The following CACHD1 variants were observed in gnomAD, a reference collection of about 807,000 sequenced individuals.
The protein encoded by CACHD1 is VWFA and cache domain-containing protein 1.
CACHD1 carries 71 observed loss-of-function variants against 138.7 expected under a neutral mutation model. That is an observed-to-expected ratio of 0.51 (90% confidence interval 0.42 to 0.62). The LOEUF is 0.62. Ranked by LOEUF, CACHD1 falls within the 20% of genes least tolerant of loss-of-function variation. The pLI is 0.00. For synonymous variants in CACHD1, 578 were observed against 591.5 expected, an observed-to-expected ratio of 0.98 and a Z score of 0.33; for missense variants, 1,389 against 1,625.3, an observed-to-expected ratio of 0.85 and a Z score of 2.50.
chr1:64,653,464 G>A (rs1649166193), intron 10 of CACHD1, among the ~76,000 whole-genome samples: 1 of 149,758 alleles, frequency 6.7e-6, no homozygotes, highest in East Asian at 2.0e-4. Flanking sequence ...TAGATTTATT[G>A]GCATTAAGAT....
intron 16 of CACHD1, among the ~76,000 whole-genome samples, chr1:64,667,754 G>A (rs1421604360): frequency 6.6e-6 from 1 of 152,260 alleles, no homozygotes; most frequent in East Asian, 1.9e-4. Flanking sequence ...TATAGTGCAG[G>A]GAATCAAAAC....
intron 6 of CACHD1, 26 bp from the exon 7 acceptor site, chr1:64,634,018 G>GTTT (rs764180229): frequency 5.6e-4 from 677 of 1,204,006 alleles, no homozygotes; most frequent in South Asian, 2.1e-3. Flanking sequence ...AAGTTTGGTG[G>GTTT]TTTTTTTTTT....
intron 1 of CACHD1, among the ~76,000 whole-genome samples, chr1:64,544,054 C>A (rs1466485001): frequency 6.6e-6 from 1 of 151,928 alleles, no homozygotes; most frequent in Non-Finnish European, 1.5e-5. Flanking sequence ...TGGTCAGCCT[C>A]TTGCGATAAC....
chr1:64,490,563 T>C (rs896608926), intron 1 of CACHD1, among the ~76,000 whole-genome samples: 1 of 152,212 alleles, frequency 6.6e-6, no homozygotes, highest in Non-Finnish European at 1.5e-5. Context: ...TCAGAAGATG[T>C]GTGTACCCTT....
Position 64,522,495 on chromosome 1 carries a change from A to G in CACHD1, c.199-28099A>G, listed in dbSNP as rs575800538. ...GCTAAATTTTGTATTTTTAGTAGAG[A>G]TGGGATTTTACCATGTTAGCCAGGC... On this transcript the variant is annotated intron_variant, in intron 1 of 26. Coordinates refer to ENST00000651257, the MANE Select transcript of CACHD1 (RefSeq NM_020925.4). Among the ~76,000 whole-genome samples, 59 of 152,092 alleles carry G rather than the reference A, an allele frequency of 3.9e-4. No individual in the cohort carries two copies. The South Asian group carries it at 0.012, about 31-fold the overall frequency.
chr1:64,516,215 C>A (rs539788295), intron 1 of CACHD1, among the ~76,000 whole-genome samples: 2 of 152,258 alleles, frequency 1.3e-5, no homozygotes, highest in Non-Finnish European at 2.9e-5. Context: ...TTAACATTTT[C>A]TTTTTTCTCC....
At position 64,691,470 on chromosome 1, in the gene CACHD1, T is replaced by C; in HGVS notation, c.3734T>C (p.Phe1245Ser). ...PQTAALLSHK[F>S]HHYRSHHPTL... The stretch of plus-strand genomic sequence containing the variant: ...ACTGCTGCCCTACTAAGTCACAAGT[T>C]CCACCACTACCGGTCACACCACCCT... Residue 1245 changes from phenylalanine (F) to serine (S), a missense_variant, in exon 27 of 27, where the codon TTC becomes TCC. Physicochemically the swap from Phe to Ser is radical, Grantham distance 155. Transcript: ENST00000651257. 1 of 1,614,062 alleles carries C rather than the reference T, an allele frequency of 6.2e-7. No individual in the cohort carries two copies. The highest frequency in any genetic ancestry group is 8.5e-7 in the Non-Finnish European group (1 of 1,180,000).
intron 1 of CACHD1, among the ~76,000 whole-genome samples, chr1:64,509,232 T>C (rs1646400445): frequency 6.6e-6 from 1 of 152,182 alleles, no homozygotes; most frequent in African/African-American, 2.4e-5. Context: ...TATAACTCCC[T>C]CTACCTTGGC....
chr1:64,527,060 A>T (rs1646545537), intron 1 of CACHD1, among the ~76,000 whole-genome samples: 1 of 152,138 alleles, frequency 6.6e-6, no homozygotes, highest in East Asian at 1.9e-4. Context: ...GTAGAGAGAG[A>T]ATATAGGGAG....
intron 1 of CACHD1, among the ~76,000 whole-genome samples, chr1:64,520,511 C>G (rs991706555): frequency 2.0e-5 from 3 of 152,136 alleles, no homozygotes; most frequent in African/African-American, 7.2e-5. Context: ...GAATATAATG[C>G]CAACCACATT....
intron 26 of CACHD1, among the ~76,000 whole-genome samples, chr1:64,688,215 A>G (rs186286879): frequency 6.6e-6 from 1 of 152,266 alleles, no homozygotes; most frequent in African/African-American, 2.4e-5. Flanking sequence ...GAAGCTATCC[A>G]GGAAGTGTTT....
At chr1:64,566,488 C>CCCT (rs1247493270) in intron 2 of CACHD1, among the ~76,000 whole-genome samples, 1 of 144,580 alleles carries the variant, frequency 6.9e-6, no homozygotes, top group Non-Finnish European at 1.6e-5. Context: ...TTCCCCCCCC[C>CCCT]CCACAAGGTA....
At chr1:64,545,919 G>C (rs1646714684) in intron 1 of CACHD1, among the ~76,000 whole-genome samples, 1 of 152,142 alleles carries the variant, frequency 6.6e-6, no homozygotes, top group African/African-American at 2.4e-5. Context: ...TGTAACAGAA[G>C]ATTCTGTGAA....
At chr1:64,552,966 G>A (rs777803559) in intron 2 of CACHD1, among the ~76,000 whole-genome samples, 1 of 152,156 alleles carries the variant, frequency 6.6e-6, no homozygotes, top group Non-Finnish European at 1.5e-5. Context: ...GAAGGGTACT[G>A]ACTTTTAAAT....
intron 11 of CACHD1, among the ~76,000 whole-genome samples, chr1:64,654,210 A>C (rs1649193010): frequency 6.6e-6 from 1 of 152,212 alleles, no homozygotes; most frequent in East Asian, 1.9e-4. Flanking sequence ...ATGTTGGCAA[A>C]ATAAAAGGCT....
intron 1 of CACHD1, among the ~76,000 whole-genome samples, chr1:64,539,642 A>G (rs1646662308): frequency 6.6e-6 from 1 of 152,228 alleles, no homozygotes; most frequent in Non-Finnish European, 1.5e-5. Context: ...CAATGGGGCT[A>G]GAATGTAGGG....
At chr1:64,531,924 G>A (rs533589912) in intron 1 of CACHD1, among the ~76,000 whole-genome samples, 1 of 152,290 alleles carries the variant, frequency 6.6e-6, no homozygotes, top group African/African-American at 2.4e-5. Flanking sequence ...TTAAAATATG[G>A]CAAGCCACTA....
intron 1 of CACHD1, among the ~76,000 whole-genome samples, chr1:64,494,998 G>T (rs1391911102): frequency 6.6e-6 from 1 of 152,190 alleles, no homozygotes; most frequent in South Asian, 2.1e-4. Flanking sequence ...TTGTTTCTTT[G>T]TGTAGTGGTC....
chr1:64,486,920 G>C (rs1297235219), intron 1 of CACHD1, among the ~76,000 whole-genome samples: 2 of 152,214 alleles, frequency 1.3e-5, no homozygotes, highest in African/African-American at 4.8e-5. Flanking sequence ...GGAGTTCAAA[G>C]AAGGCTTCTT....
Sources: allele counts gnomAD v4.1 joint callset (sites outside exome capture counted in the v4.1 genomes callset), GRCh38; gene constraint gnomAD v4.1.1; transcripts MANE v1.5; gene names NCBI Gene and HGNC (gene_info 2026-07-23, HGNC 2026-07-21).